TRIM33: variants seen among roughly 807,000 people sequenced by gnomAD.
TRIM33 encodes E3 ubiquitin-protein ligase TRIM33.
TRIM33 carries 20 observed loss-of-function variants against 125.4 expected under a neutral mutation model. The ratio of observed to expected loss-of-function variants is 0.16; its 90% CI spans 0.11 to 0.23. The LOEUF is 0.23. Among genes scored for constraint, TRIM33 ranks in the 10% least tolerant of loss-of-function variants. The pLI is 1.00. For synonymous variants in TRIM33, 564 were observed against 513.9 expected (o/e 1.10, Z -1.32); for missense variants, 920 against 1,411.4 (o/e 0.65, Z 5.58).
intron 1 of TRIM33, chr1:114,468,377 A>T: frequency 3.2e-6 from 1 of 312,136 alleles, no homozygotes; most frequent in South Asian, 2.9e-5. Context: ...CAGCAGCAGC[A>T]GTCCTTTAGT....
chr1:114,495,153 G>A (rs1292875797), intron 1 of TRIM33, among the ~76,000 whole-genome samples: 1 of 152,116 alleles, frequency 6.6e-6, no homozygotes, highest in East Asian at 1.9e-4. Context: ...GACCTCAAGT[G>A]GTTCGCTCAT....
At chr1:114,451,121 T>C (rs1352760939) in intron 4 of TRIM33, among the ~76,000 whole-genome samples, 1 of 152,120 alleles carries the variant, frequency 6.6e-6, no homozygotes, top group African/African-American at 2.4e-5. Context: ...ATACTTAATC[T>C]CCCTGATTTC....
chr1:114,421,295 T>G (rs1031343543), intron 11 of TRIM33, 141 bp downstream of exon 11: 6 of 781,672 alleles, frequency 7.7e-6, no homozygotes, highest in Non-Finnish European at 1.0e-5. Context: ...GGAAGGAGAC[T>G]TTTAGTGATT....
intron 11 of TRIM33, among the ~76,000 whole-genome samples, chr1:114,414,173 C>A (rs1253708261): frequency 6.6e-6 from 1 of 151,940 alleles, no homozygotes; most frequent in Non-Finnish European, 1.5e-5. Flanking sequence ...ATGGGGTAGA[C>A]AACTATTTTT....
At chr1:114,442,687 C>CAAAAAAAAAAAAAAAA in intron 4 of TRIM33, among the ~76,000 whole-genome samples, 1 of 73,850 alleles carries the variant, frequency 1.4e-5, no homozygotes, top group Middle Eastern at 6.4e-3. Context: ...GACTCTGTCT[C>CAAAAAAAAAAAAAAAA]AAAAAAAAAA....
At chr1:114,429,432 C>T in intron 6 of TRIM33, among the ~76,000 whole-genome samples, 1 of 151,748 alleles carries the variant, frequency 6.6e-6, no homozygotes, top group East Asian at 1.9e-4. Flanking sequence ...ACCTTGTGAT[C>T]CACCCACCTC....
intron 7 of TRIM33, among the ~76,000 whole-genome samples, 155 bp downstream of exon 7, chr1:114,427,593 G>A (rs1647674034): frequency 6.6e-6 from 1 of 152,132 alleles, no homozygotes; most frequent in South Asian, 2.1e-4. Context: ...AGTGGAATGA[G>A]GAAACTTTGG....
intron 1 of TRIM33, 112 bp from the exon 2 acceptor site, chr1:114,464,500 T>C (rs1444858819): frequency 1.8e-6 from 1 of 567,392 alleles, no homozygotes; most frequent in East Asian, 3.1e-5. Context: ...GAAATGAGCA[T>C]CAAGAGCTCA....
At chr1:114,411,179 TACAGGCATGCGCC>T (rs1327691208) in intron 11 of TRIM33, among the ~76,000 whole-genome samples, 1 of 151,926 alleles carries the variant, frequency 6.6e-6, no homozygotes, top group Non-Finnish European at 1.5e-5. Context: ...TAGCTAGGAC[TACAGGCATGCGCC>T]ACAACGCCTG....
chr1:114,425,838 A>G (rs1647539025), intron 8 of TRIM33, 115 bp from the exon 9 acceptor site: 3 of 695,012 alleles, frequency 4.3e-6, no homozygotes, highest in Non-Finnish European at 7.2e-6. Context: ...CAAAGCTCCA[A>G]CAGTACAGCA....
At position 114,443,699 on chromosome 1, in the gene TRIM33, T is replaced by C. The variant is rs191084969; in HGVS notation, c.924-9966A>G. ...ATCTTCAAAAACAATCTAAAATTACTCTACTCTAACTATACACAAAACTGC... is the reference window on the plus strand; with the variant it reads ...ATCTTCAAAAACAATCTAAAATTACCCTACTCTAACTATACACAAAACTGC... On this transcript the variant is annotated intron_variant, in intron 4 of 19. Transcript: ENST00000358465. 2.3e-4 allele frequency among the ~76,000 whole-genome samples: 35 copies of C among 151,198 alleles called. 1 individual carries two copies. In the East Asian group the frequency reaches 4.3e-3, roughly 18 times the overall value.
chr1:114,508,543 A>G (rs1007990563), intron 1 of TRIM33, among the ~76,000 whole-genome samples: 5 of 152,146 alleles, frequency 3.3e-5, no homozygotes, highest in Non-Finnish European at 5.9e-5. Context: ...TCTTACCTAC[A>G]TGTACCAATA....
At chr1:114,420,855 G>C (rs1347583840) in intron 11 of TRIM33, among the ~76,000 whole-genome samples, 1 of 152,168 alleles carries the variant, frequency 6.6e-6, no homozygotes, top group Admixed American at 6.5e-5. Flanking sequence ...ACCATGCAAT[G>C]CAAGAGATCA....
At position 114,402,946 on chromosome 1, in the gene TRIM33, C is replaced by A. The variant is rs376829575; in HGVS notation, c.2769-63G>T. On this transcript the variant is annotated intron_variant, in intron 15 of 19. Coordinates refer to ENST00000358465, the MANE Select transcript of TRIM33 (RefSeq NM_015906.4). ...AAGAAAGCCTGCTCTAGAGAAGCTA[C>A]TTCCCTGGACTGGGGCCTGGTTTAT... 1.3e-5 allele frequency: 19 copies of A among 1,441,740 alleles called. 1 individual carries two copies. In the African/African-American group the frequency reaches 1.6e-4, roughly 12 times the overall value. The allele number at this position is 1,441,740 out of a possible 1,614,324, so 89.3% of individuals were successfully genotyped here. A position where few individuals can be genotyped will look rare whatever the true frequency, so the allele number is the denominator to read the frequency against.
At chr1:114,431,284 A>C (rs958435304) in intron 5 of TRIM33, among the ~76,000 whole-genome samples, 1 of 152,242 alleles carries the variant, frequency 6.6e-6, no homozygotes. Context: ...ACAATGTGCA[A>C]AAGGACAATG....
At chr1:114,442,045 G>A (rs6671587) in intron 4 of TRIM33, among the ~76,000 whole-genome samples, 54,108 of 152,010 alleles carry the variant, frequency 0.36, 10,326 homozygotes, top group African/African-American at 0.47. Flanking sequence ...CAAATACTCA[G>A]TATCAGTCTC....
chr1:114,403,416 G>A (rs984059185), intron 15 of TRIM33, among the ~76,000 whole-genome samples: 1 of 152,104 alleles, frequency 6.6e-6, no homozygotes, highest in African/African-American at 2.4e-5. Flanking sequence ...CCTTGCCCAG[G>A]CTGGAGGGCA....
Position 114,510,928 on chromosome 1 carries a change from C to T in TRIM33, c.149G>A (p.Gly50Asp). Reference sequence around the variant, plus strand: ...GCCGCCCTCAGCGCCGGCCCTGCCGCCTTCCTCCTCCTCCTCCTCCACCAG... The same window carrying T: ...GCCGCCCTCAGCGCCGGCCCTGCCGTCTTCCTCCTCCTCCTCCTCCACCAG... The part of the protein sequence containing the change: ...AVLVEEEEEE[G>D]GRAGAEGGAA... The change falls in exon 1 of 20, where the codon GGC becomes GAC. Residue 50 changes from glycine (G) to aspartate (D), a missense_variant. This residue lies in a region of TRIM33 where 233 missense variants were observed against 189.6 expected (regional missense o/e 1.23). Transcript: ENST00000358465. 1 of 1,419,534 alleles carries T rather than the reference C, an allele frequency of 7.0e-7. No individual in the cohort carries two copies. Among genetic ancestry groups the T allele is most frequent in the South Asian group, 1.5e-5 (1 of 68,930 alleles). The allele number at this position is 1,419,534 out of a possible 1,614,324, so 87.9% of individuals were successfully genotyped here.
chr1:114,499,084 T>C (rs1378331783), intron 1 of TRIM33, among the ~76,000 whole-genome samples: 1 of 152,178 alleles, frequency 6.6e-6, no homozygotes, highest in Non-Finnish European at 1.5e-5. Context: ...GCAACACTGA[T>C]TTAAGACACT....
Sources: allele counts gnomAD v4.1 joint callset (sites outside exome capture counted in the v4.1 genomes callset), GRCh38; gene constraint gnomAD v4.1.1; regional missense constraint gnomAD v4.1.1; transcripts MANE v1.5; gene names NCBI Gene and HGNC (gene_info 2026-07-23, HGNC 2026-07-21).